The following CDH12 variants were observed in gnomAD, a reference collection of about 807,000 sequenced individuals.
CDH12 encodes cadherin 12, also known as cadherin-12.
In CDH12, 41 loss-of-function variants were observed where a neutral mutation model predicts 74.1. The observed-to-expected ratio is 0.55, with a 90% CI of 0.43 to 0.72. The LOEUF (loss-of-function observed/expected upper bound fraction) is 0.72. Among genes scored for constraint, CDH12 ranks in the 30% least tolerant of loss-of-function variants. The pLI, the probability that CDH12 is intolerant of heterozygous loss-of-function variation, is 0.00. For synonymous variants in CDH12, 399 were observed against 355.0 expected (o/e 1.12, Z -1.39); for missense variants, 945 against 977.2 (o/e 0.97, Z 0.44).
chr5:21,949,358 G>C (rs1004166409), intron 6 of CDH12, among the ~76,000 whole-genome samples: 2 of 151,202 alleles, frequency 1.3e-5, no homozygotes, highest in African/African-American at 2.4e-5. Context: ...GCTGAGGCAG[G>C]AGAATGGCGT....
At chr5:22,526,633 G>C (rs748825451) in intron 1 of CDH12, among the ~76,000 whole-genome samples, 5 of 152,180 alleles carry the variant, frequency 3.3e-5, no homozygotes, top group Non-Finnish European at 5.9e-5. Context: ...ATACTCCACT[G>C]TCATTTTCCA....
intron 1 of CDH12, among the ~76,000 whole-genome samples, chr5:22,550,505 T>C (rs183778593): frequency 4.1e-4 from 62 of 152,252 alleles, no homozygotes; most frequent in African/African-American, 1.4e-3. Flanking sequence ...CATTCTTAAT[T>C]CCTCTCTTTT....
intron 4 of CDH12, among the ~76,000 whole-genome samples, chr5:22,153,956 G>C (rs1424979107): frequency 7.0e-6 from 1 of 143,444 alleles, no homozygotes; most frequent in Non-Finnish European, 1.5e-5. Context: ...ATGTGTATAT[G>C]TGTATATATA....
At position 22,395,739 on chromosome 5, in the gene CDH12, G is replaced by A. The variant is rs187661541; in HGVS notation, c.-333+9518C>T. ...TGGAGAAATAAATGTAGGGAACATC[G>A]CCACGTAGATGATATTTAGTGATAT... On this transcript the variant is annotated intron_variant, in intron 3 of 14. Coordinates refer to ENST00000382254, the MANE Select transcript of CDH12 (RefSeq NM_004061.5). 1.3e-3 allele frequency among the ~76,000 whole-genome samples: 198 copies of A among 152,156 alleles called. 1 individual carries two copies. Among genetic ancestry groups the A allele is most frequent in the African/African-American group, 4.3e-3 (178 of 41,524 alleles).
intron 1 of CDH12, among the ~76,000 whole-genome samples, chr5:22,619,900 A>G (rs1412650128): frequency 6.6e-6 from 1 of 152,128 alleles, no homozygotes; most frequent in African/African-American, 2.4e-5. Flanking sequence ...CTCAGTGTCA[A>G]TTAAAATTAT....
intron 3 of CDH12, among the ~76,000 whole-genome samples, chr5:22,369,959 A>AAATCACCT (rs1192518133): frequency 6.6e-6 from 1 of 152,158 alleles, no homozygotes; most frequent in African/African-American, 2.4e-5. Flanking sequence ...AATAACAGAA[A>AAATCACCT]AATCACCTCA....
chr5:22,707,716 T>G (rs1743088926), intron 1 of CDH12, among the ~76,000 whole-genome samples: 1 of 152,176 alleles, frequency 6.6e-6, no homozygotes. Context: ...AAATCTGAAA[T>G]CAAATATACT....
chr5:21,902,340 T>G (rs1753429722), intron 6 of CDH12, among the ~76,000 whole-genome samples: 1 of 151,802 alleles, frequency 6.6e-6, no homozygotes, highest in Non-Finnish European at 1.5e-5. Context: ...CTATTTCTCT[T>G]TCTCTCTGTC....
chr5:22,812,345 G>C (rs1459572966), intron 1 of CDH12, among the ~76,000 whole-genome samples: 1 of 152,062 alleles, frequency 6.6e-6, no homozygotes, highest in South Asian at 2.1e-4. Flanking sequence ...AGCCTATACA[G>C]GTGTGCACTA....
At chr5:21,875,561 G>A (rs1751883285) in intron 6 of CDH12, among the ~76,000 whole-genome samples, 1 of 150 alleles carries the variant, frequency 6.7e-3, no homozygotes, top group African/African-American at 0.021. Context: ...CCATTGCTCT[G>A]TCCAAAACTT....
intron 1 of CDH12, among the ~76,000 whole-genome samples, chr5:22,630,501 G>A (rs1168716326): frequency 1.3e-5 from 2 of 152,036 alleles, no homozygotes; most frequent in African/African-American, 4.8e-5. Flanking sequence ...CCACCTACAA[G>A]CATCTGATCT....
In CDH12 at chr5:22,371,710, T is replaced by C. The variant is rs1741300231; in HGVS notation, c.-333+33547A>G. On this transcript the variant is annotated intron_variant, in intron 3 of 14. Transcript: ENST00000382254. ...TAACTAGCTTTTAAAATCAATTAAG[T>C]ATATAGTACATATGTAGAATATTAT... is the stretch of plus-strand genomic sequence containing the variant. Among the ~76,000 whole-genome samples the C allele has an allele frequency of 4.6e-5, 7 of 152,220 alleles. No individual in the cohort carries two copies. In the South Asian group the frequency reaches 1.4e-3, roughly 31 times the overall value.
intron 1 of CDH12, among the ~76,000 whole-genome samples, chr5:22,823,244 G>T (rs192063725): frequency 7.6e-6 from 1 of 132,128 alleles, no homozygotes; most frequent in African/African-American, 2.8e-5. Context: ...GAGGTGGGGG[G>T]AGGGGGGAGG....
intron 1 of CDH12, among the ~76,000 whole-genome samples, chr5:22,677,206 G>A (rs1741240574): frequency 6.6e-6 from 1 of 152,054 alleles, no homozygotes; most frequent in African/African-American, 2.4e-5. Context: ...TGAACCAAAA[G>A]TTCACACACT....
At chr5:22,509,293 C>G (rs1736509878) in intron 1 of CDH12, among the ~76,000 whole-genome samples, 1 of 152,156 alleles carries the variant, frequency 6.6e-6, no homozygotes, top group Non-Finnish European at 1.5e-5. Flanking sequence ...AACAAAACCA[C>G]AGAACCAGAG....
chr5:22,638,891 A>T (rs1433727852), intron 1 of CDH12: 1 of 149,554 alleles, frequency 6.7e-6, no homozygotes, highest in East Asian at 2.1e-4. Flanking sequence ...TCTATTAAAA[A>T]TACAAAAAAA....
intron 2 of CDH12, among the ~76,000 whole-genome samples, chr5:22,462,861 C>T (rs1745576166): frequency 6.6e-6 from 1 of 152,106 alleles, no homozygotes; most frequent in Non-Finnish European, 1.5e-5. Flanking sequence ...TGCATATAAA[C>T]ACTGTTAATT....
intron 1 of CDH12, among the ~76,000 whole-genome samples, chr5:22,672,811 C>T (rs1470328488): frequency 3.3e-5 from 5 of 152,106 alleles, no homozygotes; most frequent in Non-Finnish European, 7.3e-5. Flanking sequence ...GCATATTCCT[C>T]TATTCTCTTA....
intron 1 of CDH12, among the ~76,000 whole-genome samples, chr5:22,532,947 A>G (rs1394324546): frequency 2.0e-5 from 3 of 152,064 alleles, no homozygotes; most frequent in African/African-American, 7.2e-5. Flanking sequence ...AAATAAAAAT[A>G]TAATATTATC....
Sources: allele counts gnomAD v4.1 joint callset (sites outside exome capture counted in the v4.1 genomes callset), GRCh38; gene constraint gnomAD v4.1.1; transcripts MANE v1.5; gene names NCBI Gene and HGNC (gene_info 2026-07-23, HGNC 2026-07-21).